HS6ST2: variants seen among roughly 807,000 people sequenced by gnomAD.
HS6ST2 encodes heparan sulfate 6-O-sulfotransferase 2.
A neutral mutation model predicts 33.0 loss-of-function variants in HS6ST2; 17 were observed. The ratio of observed to expected loss-of-function variants is 0.52; its 90% CI spans 0.35 to 0.77. The LOEUF (loss-of-function observed/expected upper bound fraction) is 0.77, where lower values mean the gene tolerates loss of function less well. Ranked by LOEUF, HS6ST2 falls within the 30% of genes least tolerant of loss-of-function variation. The pLI, the probability that HS6ST2 is intolerant of heterozygous loss-of-function variation, is 0.01. For synonymous variants in HS6ST2, 248 were observed against 237.1 expected, an observed-to-expected ratio of 1.05 and a Z score of -0.42; for missense variants, 519 against 551.7, an observed-to-expected ratio of 0.94 and a Z score of 0.59.
chrX:132,821,836 C>T (rs1244811218), intron 2 of HS6ST2, among the ~76,000 whole-genome samples: 1 of 110,169 alleles, frequency 9.1e-6, no homozygotes, highest in Non-Finnish European at 1.9e-5. Flanking sequence ...ACTAAAAATA[C>T]TAAAATTAGC....
At chrX:132,801,239 T>C (rs972312664) in intron 2 of HS6ST2, among the ~76,000 whole-genome samples, 1 of 109,662 alleles carries the variant, frequency 9.1e-6, no homozygotes, top group Non-Finnish European at 1.9e-5. Flanking sequence ...GAGGTTGCAG[T>C]GAGTCGAGAT....
At chrX:132,644,946 TCTC>T (rs2063629545) in intron 4 of HS6ST2, among the ~76,000 whole-genome samples, 2 of 111,036 alleles carry the variant, frequency 1.8e-5, no homozygotes, top group Non-Finnish European at 3.8e-5. Flanking sequence ...GGAGGCCCCT[TCTC>T]CTCCAAATGT....
chrX:132,747,047 T>C (rs1362149953), intron 2 of HS6ST2, among the ~76,000 whole-genome samples: 1 of 112,210 alleles, frequency 8.9e-6, no homozygotes, highest in Non-Finnish European at 1.9e-5. Context: ...TGCTATCCAC[T>C]TGGGACATGG....
intron 2 of HS6ST2, among the ~76,000 whole-genome samples, chrX:132,768,960 G>A (rs2064872873): frequency 8.9e-6 from 1 of 112,276 alleles, no homozygotes; most frequent in South Asian, 3.7e-4. Flanking sequence ...CCTGTGTAGT[G>A]CCTGTACGAA....
At chrX:132,647,756 G>A (rs1190302849) in intron 4 of HS6ST2, among the ~76,000 whole-genome samples, 1 of 112,473 alleles carries the variant, frequency 8.9e-6, no homozygotes, top group Non-Finnish European at 1.9e-5. Context: ...AGTGTTTTAG[G>A]AGGACAAGAA....
At chrX:132,955,695 T>G (rs1428944696) in intron 2 of HS6ST2, among the ~76,000 whole-genome samples, 1 of 111,821 alleles carries the variant, frequency 8.9e-6, no homozygotes, top group Non-Finnish European at 1.9e-5. Flanking sequence ...TTAAGGAGAC[T>G]TGCGAAACAG....
At chrX:132,645,659 A>C (rs999311788) in intron 4 of HS6ST2, among the ~76,000 whole-genome samples, 1 of 112,125 alleles carries the variant, frequency 8.9e-6, no homozygotes, top group Non-Finnish European at 1.9e-5. Context: ...TGACAGTTGA[A>C]ATATGGGCAG....
intron 2 of HS6ST2, among the ~76,000 whole-genome samples, chrX:132,943,322 A>G (rs2066907381): frequency 9.0e-6 from 1 of 111,716 alleles, no homozygotes; most frequent in South Asian, 3.8e-4. Flanking sequence ...TTGATTTTAA[A>G]TGCCAGCTCC....
intron 3 of HS6ST2, among the ~76,000 whole-genome samples, chrX:132,672,838 T>A (rs1029788187): frequency 5.3e-5 from 6 of 112,457 alleles, no homozygotes; most frequent in African/African-American, 1.6e-4. Flanking sequence ...GCTGAAATGG[T>A]ATCCAGTGTA....
At chrX:132,722,530 A>T (rs1423467035) in intron 2 of HS6ST2, among the ~76,000 whole-genome samples, 1 of 112,131 alleles carries the variant, frequency 8.9e-6, no homozygotes, top group East Asian at 2.8e-4. Context: ...GTTATTTAAA[A>T]GTTTTCAGGT....
intron 2 of HS6ST2, among the ~76,000 whole-genome samples, chrX:132,727,237 G>GT (rs1491239568): frequency 1.5e-5 from 1 of 68,123 alleles, no homozygotes; most frequent in African/African-American, 6.8e-5. Flanking sequence ...TAGCATTATT[G>GT]GGGGGGGGGG....
chrX:132,888,175 T>A (rs2066271723), intron 2 of HS6ST2, among the ~76,000 whole-genome samples: 3 of 111,610 alleles, frequency 2.7e-5, no homozygotes, highest in Non-Finnish European at 5.6e-5. Context: ...TTTGTATTCG[T>A]CTGTTCTCAT....
At chrX:132,837,372 A>G (rs142187581) in intron 2 of HS6ST2, among the ~76,000 whole-genome samples, 5,738 of 110,406 alleles carry the variant, frequency 0.052, 244 homozygotes, top group African/African-American at 0.14. Flanking sequence ...AATAGACGCC[A>G]TTCACGTGCC....
At chrX:132,749,088 T>C (rs920530380) in intron 2 of HS6ST2, among the ~76,000 whole-genome samples, 2 of 112,031 alleles carry the variant, frequency 1.8e-5, no homozygotes, top group Non-Finnish European at 3.8e-5. Flanking sequence ...CCAGCTCAAA[T>C]ATCACCTCCT....
Position 132,811,489 on chromosome X carries a change from C to T in HS6ST2, c.948-102995G>A, listed in dbSNP as rs201728780. Among the ~76,000 whole-genome samples the T allele has an allele frequency of 8.4e-5, 9 of 107,069 alleles. No individual in the cohort carries two copies. The East Asian group carries it at 2.1e-3, about 25-fold the overall frequency. 93.0% of individuals were successfully genotyped at this position (107,069 alleles called of 115,157 possible). A position where few individuals can be genotyped will look rare whatever the true frequency, so the allele number is the denominator to read the frequency against. On this transcript the variant is annotated intron_variant, in intron 2 of 4. Coordinates refer to ENST00000370833, the MANE Select transcript of HS6ST2 (RefSeq NM_001394073.1). ...AAGTCCATACTCCATTCCTCCCTTT[C>T]GCAACCTCTGGCAACCTCTACTCTC...
intron 4 of HS6ST2, among the ~76,000 whole-genome samples, chrX:132,638,290 A>G (rs892206270): frequency 4.5e-5 from 5 of 110,584 alleles, no homozygotes; most frequent in Non-Finnish European, 9.4e-5. Flanking sequence ...CATGCTTCTG[A>G]TGGAGCTGGA....
chrX:132,781,835 AC>A (rs1231789745), intron 2 of HS6ST2, among the ~76,000 whole-genome samples: 1 of 111,862 alleles, frequency 8.9e-6, no homozygotes, highest in African/African-American at 3.3e-5. Flanking sequence ...AATCACCTCC[AC>A]CTGGTCTCTC....
chrX:132,693,619 C>T (rs1021410004), intron 3 of HS6ST2, among the ~76,000 whole-genome samples: 7 of 111,529 alleles, frequency 6.3e-5, no homozygotes, highest in Admixed American at 4.8e-4. Context: ...ACCCCATGTT[C>T]AATGTGGTTC....
rs1263205781 is a variant in HS6ST2 at position 132,957,385 on chromosome X, C to T, written c.429-59G>A. Reference sequence around the variant, plus strand: ...GCAGCTCAGCCCGCGCTCGTCGTGCCCCCGCACCGCCCCCTTCCCCTGGAG... The same window carrying T: ...GCAGCTCAGCCCGCGCTCGTCGTGCTCCCGCACCGCCCCCTTCCCCTGGAG... On this transcript the variant is annotated intron_variant, in intron 1 of 4. Transcript: ENST00000370833. 7.5e-6 allele frequency: 8 copies of T among 1,068,233 alleles called. No individual in the cohort carries two copies. In the Admixed American group the frequency reaches 2.3e-4, roughly 31 times the overall value. 88.0% of individuals were successfully genotyped at this position (1,068,233 alleles called of 1,213,427 possible). A position where few individuals can be genotyped will look rare whatever the true frequency, so the allele number is the denominator to read the frequency against.
Sources: gnomAD v4.1 joint callset for allele counts (sites outside exome capture counted in the v4.1 genomes callset) on GRCh38, gnomAD v4.1.1 for gene constraint, MANE v1.5 for transcripts, NCBI Gene and HGNC (gene_info 2026-07-23, HGNC 2026-07-21) for gene names.